The following PAPLN variants were observed in gnomAD, a reference collection of about 807,000 sequenced individuals.
PAPLN encodes the protein papilin, proteoglycan like sulfated glycoprotein.
PAPLN carries 146 observed loss-of-function variants against 159.0 expected under a neutral mutation model. The observed-to-expected ratio is 0.92, with a 90% CI of 0.80 to 1.05. The LOEUF is 1.05. Ranked by LOEUF, PAPLN falls within the 50% of genes least tolerant of loss-of-function variation. The pLI, the probability that PAPLN is intolerant of heterozygous loss-of-function variation, is 0.00. For missense variants in PAPLN, 1,720 were observed against 1,743.9 expected, an observed-to-expected ratio of 0.99 and a Z score of 0.24; for synonymous variants, 734 against 702.9, an observed-to-expected ratio of 1.04 and a Z score of -0.70.
intron 1 of PAPLN, among the ~76,000 whole-genome samples, chr14:73,238,915 A>AAC (rs1883239832): frequency 6.6e-6 from 1 of 152,352 alleles, no homozygotes; most frequent in African/African-American, 2.4e-5. Flanking sequence ...GTACTTGTTT[A>AAC]ATGTTTTGTA....
chr14:73,264,358 C>T, intron 21 of PAPLN, 23 bp downstream of exon 21: 2 of 1,605,098 alleles, frequency 1.2e-6, no homozygotes, highest in Non-Finnish European at 1.7e-6. Context: ...ACCCCATCCA[C>T]CAGTGCGTTC....
At chr14:73,246,621 T>C (rs1884388893) in intron 5 of PAPLN, among the ~76,000 whole-genome samples, 9 of 150,370 alleles carry the variant, frequency 6.0e-5, no homozygotes, top group Admixed American at 5.3e-4. Context: ...TTCCTTTTTT[T>C]CTTTTCCTTT....
At position 73,266,578 on chromosome 14, in the gene PAPLN, C is replaced by T. The variant is rs762257195; in HGVS notation, c.3341C>T (p.Ala1114Val). ...GATGGCGGCTTCTACACCTGTGTCG[C>T]TTTCAATGGGCAGGACCGAGACCAG... ...VEDGGFYTCV[A>V]FNGQDRDQRW... Residue 1114 changes from alanine (A) to valine (V), a missense_variant, in exon 24 of 27, where the codon GCT becomes GTT. Ala to Val is a moderately conservative substitution (Grantham distance 64). Transcript: ENST00000644200. 5.7e-5 allele frequency: 92 copies of T among 1,614,058 alleles called. No individual in the cohort carries two copies. Among genetic ancestry groups the T allele is most frequent in the Non-Finnish European group, 1.7e-5 (20 of 1,180,038 alleles).
chr14:73,272,386 CTG>C (rs1335097678), intron 26 of PAPLN, 107 bp from the exon 27 acceptor site: 5 of 1,088,584 alleles, frequency 4.6e-6, no homozygotes, highest in Non-Finnish European at 6.4e-6. Flanking sequence ...CGTTTTCAAT[CTG>C]GCAGTTATAA....
intron 5 of PAPLN, 66 bp downstream of exon 5, chr14:73,246,241 A>G: frequency 6.0e-6 from 8 of 1,338,272 alleles, no homozygotes; most frequent in Admixed American, 5.7e-5. Context: ...CACAGTTCCT[A>G]TTGCCGTATT....
Position 73,263,784 on chromosome 14 carries a change from TGG to T in PAPLN, c.2861+4_2861+5del, listed in dbSNP as rs774021590. 4 of 1,600,128 alleles carry T rather than the reference TGG, an allele frequency of 2.5e-6. No individual in the cohort carries two copies. Among genetic ancestry groups the T allele is most frequent in the Non-Finnish European group, 3.4e-6 (4 of 1,179,052 alleles). ...TGGCCAGCCCATCTCCTCTGACAGG[TGG>T]GTGAGAGTCCCCCCACCTCCTCTGA... On this transcript the variant is annotated splice_donor_region_variant and intron_variant, in intron 20 of 26. Coordinates refer to ENST00000644200, the MANE Select transcript of PAPLN (RefSeq NM_001365906.3).
At chr14:73,247,823 T>TGGCGATC in intron 5 of PAPLN, among the ~76,000 whole-genome samples, 2 of 128,922 alleles carry the variant, frequency 1.6e-5, no homozygotes, top group Non-Finnish European at 3.3e-5. Context: ...TGTGTGTGTG[T>TGGCGATC]GTGTGTGTGT....
chr14:73,261,780 G>A (rs1886616069), intron 18 of PAPLN, among the ~76,000 whole-genome samples: 1 of 152,220 alleles, frequency 6.6e-6, no homozygotes, highest in South Asian at 2.1e-4. Context: ...CCGGGCTAGG[G>A]CTGTGGTCAG....
rs193281911 is a variant in PAPLN at position 73,258,017 on chromosome 14, G to A, written c.1628-962G>A. ...TGACCTCAAGTGATCCTCCTGCCTC[G>A]GCCTCCCAAAGTGCTGGGATTGCGG... On this transcript the variant is annotated intron_variant, in intron 14 of 26. Coordinates refer to ENST00000644200, the MANE Select transcript of PAPLN (RefSeq NM_001365906.3). Among the ~76,000 whole-genome samples the A allele has an allele frequency of 3.7e-4, 56 of 152,016 alleles. No homozygotes were observed. In the East Asian group the frequency reaches 7.4e-3, roughly 20 times the overall value.
intron 14 of PAPLN, among the ~76,000 whole-genome samples, chr14:73,257,022 AG>A (rs1303068928): frequency 6.6e-6 from 1 of 152,230 alleles, no homozygotes; most frequent in East Asian, 1.9e-4. Flanking sequence ...CCCAGGCTGC[AG>A]TGCAATGGTA....
chr14:73,260,661 A>G lies in PAPLN; in HGVS notation c.1986-48A>G. ...AGAGCCTGGGTCCTGGGATGCAGGGAGCGTGGGGGCAGGCTGGGCAGTGAG... is the reference window on the plus strand; with the variant it reads ...AGAGCCTGGGTCCTGGGATGCAGGGGGCGTGGGGGCAGGCTGGGCAGTGAG... On this transcript the variant is annotated intron_variant, in intron 16 of 26. Transcript: ENST00000644200. 2.1e-6 allele frequency: 3 copies of G among 1,397,942 alleles called. No individual in the cohort carries two copies. The South Asian group carries it at 5.9e-5, about 27-fold the overall frequency. 86.6% of individuals were successfully genotyped at this position (1,397,942 alleles called of 1,614,324 possible).
At chr14:73,255,150 T>A in intron 14 of PAPLN, 132 bp downstream of exon 14, 2 of 1,293,884 alleles carry the variant, frequency 1.5e-6, no homozygotes, top group South Asian at 3.0e-5. Context: ...TTCTCCCATG[T>A]CTCCCCCCGC....
intron 1 of PAPLN, 185 bp from the exon 2 acceptor site, chr14:73,239,588 G>C: frequency 1.7e-6 from 2 of 1,191,366 alleles, no homozygotes; most frequent in East Asian, 3.1e-5. Flanking sequence ...CTCACATGTT[G>C]AGCCGCCCGG....
chr14:73,263,572 G>A (rs1028747060), intron 19 of PAPLN, 73 bp from the exon 20 acceptor site: 2 of 1,595,138 alleles, frequency 1.3e-6, no homozygotes, highest in African/African-American at 1.3e-5. Flanking sequence ...GTCTGTCATG[G>A]AACACACTGC....
At chr14:73,240,534 C>T (rs1883430934) in intron 2 of PAPLN, among the ~76,000 whole-genome samples, 1 of 152,144 alleles carries the variant, frequency 6.6e-6, no homozygotes, top group Admixed American at 6.5e-5. Flanking sequence ...CCTCCACCTC[C>T]TGGGTTCAAG....
At chr14:73,263,956 C>T (rs567282534) in intron 20 of PAPLN, 174 bp downstream of exon 20, 17 of 1,339,340 alleles carry the variant, frequency 1.3e-5, no homozygotes, top group African/African-American at 4.6e-5. Context: ...GTGTGACGGC[C>T]CCCCGACCTC....
rs771170106 is a variant in PAPLN at position 73,265,392 on chromosome 14, C to T, written c.3148C>T (p.Pro1050Ser). Reference protein sequence around the residue: ...ANRLRLDQNQPRVVDASPGQR... With the variant: ...ANRLRLDQNQSRVVDASPGQR... Reference sequence around the variant, plus strand: ...CAGGCTGCGTTTGGACCAGAACCAGCCCCGGGTGGTGGATGCCAGTCCAGG... The same window carrying T: ...CAGGCTGCGTTTGGACCAGAACCAGTCCCGGGTGGTGGATGCCAGTCCAGG... The change falls in exon 23 of 27, where the codon CCC (proline) becomes TCC (serine). Residue 1050 changes from proline (P) to serine (S), a missense_variant. Pro to Ser is a moderately conservative substitution (Grantham distance 74, BLOSUM62 -1). Coordinates refer to ENST00000644200, the MANE Select transcript of PAPLN (RefSeq NM_001365906.3). The surrounding 1 kb of genome is among the most constrained non-coding windows in gnomAD (Gnocchi z 4.1). 4 of 1,610,974 alleles carry T rather than the reference C, an allele frequency of 2.5e-6. No individual in the cohort carries two copies. In the South Asian group the frequency reaches 4.4e-5, roughly 18 times the overall value.
At chr14:73,255,043 G>C in intron 14 of PAPLN, 25 bp downstream of exon 14, 2 of 1,601,156 alleles carry the variant, frequency 1.2e-6, no homozygotes, top group South Asian at 2.2e-5. Context: ...GCAGGGAGGA[G>C]TCCGGCCTCT....
At chr14:73,252,214 C>A in intron 10 of PAPLN, 73 bp downstream of exon 10, 1 of 1,491,966 alleles carries the variant, frequency 6.7e-7, no homozygotes, top group South Asian at 1.3e-5. Flanking sequence ...GTGGGCAAGT[C>A]ACAGCCCTCT....
Sources: allele counts gnomAD v4.1 joint callset (sites outside exome capture counted in the v4.1 genomes callset), GRCh38; gene constraint gnomAD v4.1.1; non-coding constraint Gnocchi (gnomAD v3.1); transcripts MANE v1.5; gene names NCBI Gene and HGNC (gene_info 2026-07-23, HGNC 2026-07-21).